Variants in LRBA observed in about 807,000 individuals in gnomAD.
LRBA encodes the protein lipopolysaccharide-responsive and beige-like anchor protein.
Under a neutral mutation model 330.0 loss-of-function variants are expected in LRBA, and 176 were observed. The ratio of observed to expected loss-of-function variants is 0.53; its 90% CI spans 0.47 to 0.60. The LOEUF is 0.60. LRBA is among the 20% of genes least tolerant of loss of function. The pLI is 0.00. For missense variants in LRBA, 3,259 were observed against 3,444.8 expected (o/e 0.95, Z 1.35); for synonymous variants, 1,230 against 1,193.0 (o/e 1.03, Z -0.64).
chr4:150,386,738 G>T (rs775025902), intron 47 of LRBA, among the ~76,000 whole-genome samples: 1 of 152,060 alleles, frequency 6.6e-6, no homozygotes, highest in African/African-American at 2.4e-5. Context: ...CCATGCAGAC[G>T]TATATTTATA....
chr4:150,313,503 T>C (rs910119090), intron 51 of LRBA, among the ~76,000 whole-genome samples: 4 of 152,054 alleles, frequency 2.6e-5, no homozygotes, highest in Admixed American at 1.3e-4. Context: ...TTTTAGGAGG[T>C]AGAAGTGTAA....
chr4:150,697,344 A>AAAAAAAAAAAAAAAAAAC (rs1561527638), intron 36 of LRBA, among the ~76,000 whole-genome samples: 2 of 148,738 alleles, frequency 1.3e-5, no homozygotes, highest in African/African-American at 5.0e-5. Context: ...AAAAAAAAAA[A>AAAAAAAAAAAAAAAAAAC]AAAAAAACAG....
Position 150,844,620 on chromosome 4 carries a change from A to G in LRBA, c.4461+38T>C, listed in dbSNP as rs577417395. 118 of 1,549,514 alleles carry G rather than the reference A, an allele frequency of 7.6e-5. No individual in the cohort carries two copies. In the South Asian group the frequency reaches 1.3e-3, roughly 18 times the overall value. On this transcript the variant is annotated intron_variant, in intron 27 of 56. Coordinates refer to ENST00000651943, the MANE Select transcript of LRBA (RefSeq NM_001364905.1). ...ATAAAAATCTTAATTGTAAAATAGG[A>G]GTATGCTTTTTGAAAATTAATTAAT...
At chr4:150,770,884 T>C (rs1472679904) in intron 34 of LRBA, among the ~76,000 whole-genome samples, 1 of 152,206 alleles carries the variant, frequency 6.6e-6, no homozygotes, top group Non-Finnish European at 1.5e-5. Context: ...ATGGTAATAC[T>C]AAGATATGCA....
At chr4:150,829,984 C>T (rs1458339725) in intron 29 of LRBA, among the ~76,000 whole-genome samples, 1 of 152,156 alleles carries the variant, frequency 6.6e-6, no homozygotes, top group Non-Finnish European at 1.5e-5. Flanking sequence ...TTTTAAAATT[C>T]TGTTTTTTCT....
At chr4:150,899,571 C>A (rs368411560) in intron 14 of LRBA, among the ~76,000 whole-genome samples, 12 of 152,024 alleles carry the variant, frequency 7.9e-5, no homozygotes, top group African/African-American at 2.9e-4. Context: ...TGAATATTAC[C>A]CTTTCAGCAA....
chr4:150,969,432 G>C (rs1411042170), intron 2 of LRBA, among the ~76,000 whole-genome samples: 1 of 152,110 alleles, frequency 6.6e-6, no homozygotes, highest in Non-Finnish European at 1.5e-5. Context: ...GACTTTGAGA[G>C]GTTCAAGACT....
At chr4:150,704,047 A>G (rs1339219353) in intron 36 of LRBA, among the ~76,000 whole-genome samples, 2 of 151,952 alleles carry the variant, frequency 1.3e-5, no homozygotes, top group African/African-American at 4.8e-5. Flanking sequence ...TCTCTACAAA[A>G]AAAAATTTTT....
intron 46 of LRBA, among the ~76,000 whole-genome samples, chr4:150,425,930 T>G (rs939630148): frequency 2.0e-5 from 3 of 151,968 alleles, no homozygotes; most frequent in Non-Finnish European, 4.4e-5. Flanking sequence ...GAAAGCAAAA[T>G]TTTAGCTTTT....
intron 37 of LRBA, among the ~76,000 whole-genome samples, chr4:150,661,136 C>A (rs1402556410): frequency 6.8e-6 from 1 of 146,536 alleles, no homozygotes; most frequent in East Asian, 2.0e-4. Flanking sequence ...TACCCTGAAC[C>A]TGATACAGTA....
chr4:151,003,865 T>C (rs1743697548), intron 2 of LRBA, among the ~76,000 whole-genome samples: 1 of 151,136 alleles, frequency 6.6e-6, no homozygotes, highest in Non-Finnish European at 1.5e-5. Context: ...GAAATGAATA[T>C]GTGTATCTAT....
At chr4:150,310,656 T>C (rs1266057194) in intron 51 of LRBA, 3 of 293,678 alleles carry the variant, frequency 1.0e-5, no homozygotes, top group Non-Finnish European at 6.3e-6. Flanking sequence ...ACATGCTTTC[T>C]AGCTCTTGGG....
intron 51 of LRBA, chr4:150,311,178 T>C (rs1731012031): frequency 6.6e-6 from 1 of 152,242 alleles, no homozygotes; most frequent in Admixed American, 6.5e-5. Context: ...TGTGCCATTA[T>C]CAGAAACGGA....
At chr4:150,659,255 C>T (rs1183865198) in intron 37 of LRBA, among the ~76,000 whole-genome samples, 15 of 60,632 alleles carry the variant, frequency 2.5e-4, no homozygotes, top group African/African-American at 8.3e-4. Flanking sequence ...CGGCCGCCAT[C>T]CCATCTAGGA....
At chr4:150,701,833 G>C (rs1279019248) in intron 36 of LRBA, among the ~76,000 whole-genome samples, 2 of 152,116 alleles carry the variant, frequency 1.3e-5, no homozygotes, top group Non-Finnish European at 2.9e-5. Flanking sequence ...AATGACAAAA[G>C]TGATCAACAC....
intron 36 of LRBA, among the ~76,000 whole-genome samples, chr4:150,691,422 T>C (rs1210229925): frequency 1.3e-5 from 2 of 152,134 alleles, no homozygotes; most frequent in Admixed American, 1.3e-4. Context: ...TCACAAAAGA[T>C]ATACAAATGG....
chr4:150,738,488 A>G (rs1052879362), intron 35 of LRBA, among the ~76,000 whole-genome samples: 2 of 152,174 alleles, frequency 1.3e-5, no homozygotes, highest in African/African-American at 4.8e-5. Context: ...CATACTTCAC[A>G]AGGATGAAAA....
At chr4:150,559,681 ATATTATATTATATATTATATAT>A (rs1767882216) in intron 40 of LRBA, among the ~76,000 whole-genome samples, 1 of 83,280 alleles carries the variant, frequency 1.2e-5, no homozygotes, top group Non-Finnish European at 2.2e-5. Flanking sequence ...ATTATATAAT[ATATTATATTATATATTATATAT>A]TATATAATAT....
chr4:150,291,482 T>C (rs1728286714), intron 53 of LRBA, among the ~76,000 whole-genome samples: 1 of 26,946 alleles, frequency 3.7e-5, no homozygotes, highest in Admixed American at 4.3e-4. Context: ...ATGCTCATCA[T>C]CACTGGCCAT....
Sources: gnomAD v4.1 joint callset for allele counts (sites outside exome capture counted in the v4.1 genomes callset) on GRCh38, gnomAD v4.1.1 for gene constraint, MANE v1.5 for transcripts, NCBI Gene and HGNC (gene_info 2026-07-23, HGNC 2026-07-21) for gene names.